The following GLIS3 variants were observed in gnomAD, a reference collection of about 807,000 sequenced individuals.
GLIS3 encodes the protein GLIS family zinc finger 3.
GLIS3 carries 53 observed loss-of-function variants against 78.6 expected under a neutral mutation model. The ratio of observed to expected loss-of-function variants is 0.67; its 90% CI spans 0.54 to 0.85. GLIS3 has a LOEUF of 0.85. Ranked by LOEUF, GLIS3 falls within the 40% of genes least tolerant of loss-of-function variation. The probability of loss-of-function intolerance (pLI) is 0.00; values close to 1 mark genes in which losing one functional copy is unlikely to be tolerated. For synonymous variants in GLIS3, 684 were observed against 509.9 expected, an observed-to-expected ratio of 1.34 and a Z score of -4.60; for missense variants, 1,703 against 1,231.1, an observed-to-expected ratio of 1.38 and a Z score of -5.74.
In GLIS3 at chr9:4,133,825, TACACACACAC is replaced by T. The variant is rs138728219; in HGVS notation, c.389-7894_389-7885del. On this transcript the variant is annotated intron_variant, in intron 2 of 10. Coordinates refer to ENST00000381971, the MANE Select transcript of GLIS3 (RefSeq NM_001042413.2). ...TGATGCCTTCCTGCCCAAGACCTTCTACACACACACACACACACACACACACACACACACA... is the reference window on the plus strand; with the variant it reads ...TGATGCCTTCCTGCCCAAGACCTTCTACACACACACACACACACACACACA... Among the ~76,000 whole-genome samples the T allele has an allele frequency of 9.0e-3, 1,097 of 121,784 alleles. 7 individuals are homozygous for T. Among genetic ancestry groups the T allele is most frequent in the Middle Eastern group, 0.016 (4 of 244 alleles). The allele number at this position is 121,784 out of a possible 152,430, so 79.9% of individuals were successfully genotyped here. A position where few individuals can be genotyped will look rare whatever the true frequency, so the allele number is the denominator to read the frequency against.
chr9:4,023,367 TG>T (rs1336169029), intron 4 of GLIS3, among the ~76,000 whole-genome samples: 2 of 152,210 alleles, frequency 1.3e-5, no homozygotes, highest in Non-Finnish European at 2.9e-5. Context: ...TATTTTTTAT[TG>T]TTTTCCAAAG....
chr9:4,179,609 G>A (rs7045544), intron 2 of GLIS3, among the ~76,000 whole-genome samples: 40,508 of 152,000 alleles, frequency 0.27, 6,099 homozygotes, highest in South Asian at 0.44. Context: ...AAAGATCATC[G>A]TTTAAAAGTT....
At chr9:3,839,349 T>G (rs1818572613) in intron 9 of GLIS3, among the ~76,000 whole-genome samples, 5 of 152,152 alleles carry the variant, frequency 3.3e-5, no homozygotes, top group Admixed American at 3.3e-4. Context: ...AAAACAGCAA[T>G]CACACAATCT....
At chr9:4,216,053 C>T (rs1048451981) in intron 2 of GLIS3, among the ~76,000 whole-genome samples, 1 of 152,050 alleles carries the variant, frequency 6.6e-6, no homozygotes, top group East Asian at 1.9e-4. Flanking sequence ...ATTAGGTCCA[C>T]ATAAATTGAC....
chr9:3,956,320 G>A (rs963949435), intron 4 of GLIS3, among the ~76,000 whole-genome samples: 34 of 152,138 alleles, frequency 2.2e-4, no homozygotes, highest in Non-Finnish European at 3.4e-4. Context: ...AAAAACCCAG[G>A]CTGGCTATTA....
At chr9:4,196,511 T>C (rs1009306622) in intron 2 of GLIS3, among the ~76,000 whole-genome samples, 2 of 152,178 alleles carry the variant, frequency 1.3e-5, no homozygotes, top group Non-Finnish European at 2.9e-5. Flanking sequence ...ACCATAAAGT[T>C]CTGCAGCTTC....
the GLIS3 span, among the ~76,000 whole-genome samples, chr9:4,365,150 G>C: frequency 6.6e-6 from 1 of 152,148 alleles, no homozygotes; most frequent in South Asian, 2.1e-4. Context: ...AGTTTCCACA[G>C]ACATACTGCG....
chr9:4,234,736 A>C (rs1182440803), intron 2 of GLIS3, among the ~76,000 whole-genome samples: 1 of 152,224 alleles, frequency 6.6e-6, no homozygotes, highest in Non-Finnish European at 1.5e-5. Flanking sequence ...GTATCTGCAA[A>C]GTGCAATAAA....
At chr9:4,094,454 C>G (rs1588658592) in intron 4 of GLIS3, among the ~76,000 whole-genome samples, 1 of 152,102 alleles carries the variant, frequency 6.6e-6, no homozygotes. Flanking sequence ...AGACAGGTTA[C>G]GTGCCAGTGC....
intron 4 of GLIS3, among the ~76,000 whole-genome samples, chr9:4,015,083 T>C (rs1219327043): frequency 6.6e-6 from 1 of 152,198 alleles, no homozygotes; most frequent in African/African-American, 2.4e-5. Flanking sequence ...GAAAACATAG[T>C]GTCCAATAAG....
the GLIS3 span, among the ~76,000 whole-genome samples, chr9:4,396,318 C>T: frequency 6.6e-6 from 1 of 152,084 alleles, no homozygotes; most frequent in African/African-American, 2.4e-5. Flanking sequence ...ACAGTTTCAC[C>T]AGGTTGATCT....
At position 4,128,336 on chromosome 9, in the gene GLIS3, G is replaced by T. The variant is rs531843857; in HGVS notation, c.389-2395C>A. On this transcript the variant is annotated intron_variant, in intron 2 of 10. Transcript: ENST00000381971. ...TGCCTCAGCACCTATAGTGCTTCAG[G>T]GAACTAAACTCTTTACATGCCTGCC... 3.3e-5 allele frequency among the ~76,000 whole-genome samples: 5 copies of T among 152,224 alleles called. No individual in the cohort carries two copies. The South Asian group carries it at 1.0e-3, about 32-fold the overall frequency.
At chr9:4,372,056 C>T in the GLIS3 span, among the ~76,000 whole-genome samples, 1 of 152,206 alleles carries the variant, frequency 6.6e-6, no homozygotes, top group South Asian at 2.1e-4. Flanking sequence ...CTGTGGGATC[C>T]CTGTTATTTT....
chr9:3,937,341 AT>A lies in GLIS3; in HGVS notation c.1711-153del, dbSNP rs1825956144. On this transcript the variant is annotated intron_variant, in intron 4 of 10. Transcript: ENST00000381971. ...ACAGTAATAAATATTGCTCCTAAAA[AT>A]ATCCGAATATTTATGTGAACTGCAT... is the stretch of plus-strand genomic sequence containing the variant. 5.2e-6 allele frequency: 4 copies of A among 763,040 alleles called. No homozygotes were observed. In the Admixed American group the frequency reaches 9.5e-5, roughly 18 times the overall value. The allele number at this position is 763,040 out of a possible 1,614,324, so 47.3% of individuals were successfully genotyped here.
At chr9:3,843,432 TGG>T (rs1445916114) in intron 9 of GLIS3, among the ~76,000 whole-genome samples, 3 of 152,146 alleles carry the variant, frequency 2.0e-5, no homozygotes, top group Admixed American at 2.0e-4. Context: ...AGTAAGAGTA[TGG>T]AAACCTATAT....
At chr9:3,896,810 C>T (rs1236775866) in intron 7 of GLIS3, among the ~76,000 whole-genome samples, 1 of 151,994 alleles carries the variant, frequency 6.6e-6, no homozygotes, top group Non-Finnish European at 1.5e-5. Flanking sequence ...TGTGGGTCAA[C>T]CTGAAGACAC....
chr9:4,013,703 A>T (rs190560981), intron 4 of GLIS3, among the ~76,000 whole-genome samples: 16 of 152,320 alleles, frequency 1.1e-4, no homozygotes, highest in African/African-American at 3.8e-4. Context: ...TTTTCCAGTC[A>T]GTGCTTGATC....
rs550347143 is a variant in GLIS3 at position 4,286,638 on chromosome 9, T to A, written c.-98-115A>T. The A allele has an allele frequency of 1.3e-5, 8 of 616,092 alleles. No homozygotes were observed. The East Asian group carries it at 1.7e-4, about 13-fold the overall frequency. The allele number at this position is 616,092 out of a possible 1,614,324, so 38.2% of individuals were successfully genotyped here. On this transcript the variant is annotated intron_variant, in intron 1 of 10. Coordinates refer to ENST00000381971, the MANE Select transcript of GLIS3 (RefSeq NM_001042413.2). ...AAGAAAAGCAGCACTCTTAGCAAGA[T>A]GGCCTTTTATGTAGAAAAGGGTCCT...
chr9:4,118,352 G>C lies in GLIS3; in HGVS notation c.1126C>G (p.Pro376Ala). 2 of 1,583,860 alleles carry C rather than the reference G, an allele frequency of 1.3e-6. No homozygotes were observed. The highest frequency in any genetic ancestry group is 1.7e-6 in the Non-Finnish European group (2 of 1,168,770). The change falls in exon 4 of 11, where the codon CCT becomes GCT. Residue 376 changes from proline to alanine, a missense_variant. By Grantham distance (27) the Pro-to-Ala change is conservative. Transcript: ENST00000381971. The surrounding 1 kb of genome is among the most constrained non-coding windows in gnomAD (Gnocchi z 4.7). ...TAGGCCGGCAGCGCCAGGCCTCCAG[G>C]GGCCACCAGCACGCCCTTCTGGCTG... Reference protein sequence around the residue: ...PGSQKGVLVAPGGLALPAYGE... With the variant: ...PGSQKGVLVAAGGLALPAYGE...
Sources: gnomAD v4.1 joint callset for allele counts (sites outside exome capture counted in the v4.1 genomes callset) on GRCh38, gnomAD v4.1.1 for gene constraint, Gnocchi (gnomAD v3.1) non-coding constraint, MANE v1.5 for transcripts, NCBI Gene and HGNC (gene_info 2026-07-23, HGNC 2026-07-21) for gene names.